MZT1: variants seen among roughly 807,000 people sequenced by gnomAD.
MZT1 encodes the protein mitotic-spindle organizing protein 1.
MZT1 carries 8 observed loss-of-function variants against 8.5 expected under a neutral mutation model. The ratio of observed to expected loss-of-function variants is 0.94; its 90% CI spans 0.55 to 1.70. MZT1 has a LOEUF of 1.70. MZT1 is among the 40% of genes most tolerant of loss of function. The pLI, the probability that MZT1 is intolerant of heterozygous loss-of-function variation, is 0.00. For synonymous variants in MZT1, 38 were observed against 42.0 expected, an observed-to-expected ratio of 0.90 and a Z score of 0.37; for missense variants, 93 against 108.6, an observed-to-expected ratio of 0.86 and a Z score of 0.64.
chr13:72,708,872 A>G lies in MZT1; in HGVS notation c.*1450T>C, dbSNP rs1366295538. On this transcript the variant is annotated 3_prime_UTR_variant, in exon 3 of 3. Coordinates refer to ENST00000377818, the MANE Select transcript of MZT1 (RefSeq NM_001071775.3). ...GAAGGTTGCTATTTAAATATTACCAAATCTTAATAAAACCACTTCAGCTTG... is the reference window on the plus strand; with the variant it reads ...GAAGGTTGCTATTTAAATATTACCAGATCTTAATAAAACCACTTCAGCTTG... 6.6e-6 allele frequency: 1 copy of G among 152,022 alleles called. No individual in the cohort carries two copies. The highest frequency in any genetic ancestry group is 1.9e-4 in the East Asian group (1 of 5,204). The allele number at this position is 152,022 out of a possible 1,614,324, so 9.4% of individuals were successfully genotyped here.
rs1317922280 is a variant in MZT1 at position 72,718,933 on chromosome 13, A to G, written c.225+19T>C. ...ATAAAAGCATCTTTATTTAGAATGA[A>G]CTAATAGGAATCTCCAACCTTCAGT... is the stretch of plus-strand genomic sequence containing the variant. On this transcript the variant is annotated intron_variant, in intron 2 of 2. Coordinates refer to ENST00000377818, the MANE Select transcript of MZT1 (RefSeq NM_001071775.3). 16 of 1,556,616 alleles carry G rather than the reference A, an allele frequency of 1.0e-5. No individual in the cohort carries two copies. In the African/African-American group the frequency reaches 2.2e-4, roughly 22 times the overall value.
At chr13:72,727,326 C>T (rs1270746478) in intron 1 of MZT1, among the ~76,000 whole-genome samples, 198 bp downstream of exon 1, 2 of 152,226 alleles carry the variant, frequency 1.3e-5, no homozygotes, top group Non-Finnish European at 2.9e-5. Context: ...GCGCGCGCGA[C>T]AAACTACGCA....
At chr13:72,714,553 G>C (rs1399029946) in intron 2 of MZT1, among the ~76,000 whole-genome samples, 10 of 152,222 alleles carry the variant, frequency 6.6e-5, no homozygotes, top group Non-Finnish European at 1.5e-4. Context: ...CTAAGAGGCA[G>C]CCCTTCCCAT....
intron 2 of MZT1, among the ~76,000 whole-genome samples, chr13:72,715,457 T>C (rs1051947765): frequency 6.6e-6 from 1 of 152,140 alleles, no homozygotes; most frequent in East Asian, 1.9e-4. Context: ...TGGGAAGGCA[T>C]GATTGTATGT....
intron 2 of MZT1, among the ~76,000 whole-genome samples, chr13:72,718,358 C>A (rs886433865): frequency 1.3e-5 from 2 of 152,186 alleles, no homozygotes; most frequent in Non-Finnish European, 2.9e-5. Context: ...TTCATTGGGA[C>A]CAGGGGTTAG....
intron 2 of MZT1, among the ~76,000 whole-genome samples, chr13:72,715,944 T>G (rs189889799): frequency 6.6e-6 from 1 of 152,180 alleles, no homozygotes; most frequent in East Asian, 1.9e-4. Context: ...TAAGAGGAAG[T>G]CTTCCTCTGT....
At chr13:72,719,137 C>T (rs768993542) in intron 1 of MZT1, 40 bp from the exon 2 acceptor site, 2 of 1,463,652 alleles carry the variant, frequency 1.4e-6, no homozygotes, top group Non-Finnish European at 1.8e-6. Context: ...TTAAGGCTTA[C>T]AGCATTTAAA....
intron 1 of MZT1, among the ~76,000 whole-genome samples, chr13:72,726,203 G>T (rs1370164116): frequency 6.6e-6 from 1 of 152,196 alleles, no homozygotes; most frequent in East Asian, 1.9e-4. Context: ...GCCGAGGCAT[G>T]TGGATCACCT....
At chr13:72,715,639 C>T (rs1310447971) in intron 2 of MZT1, among the ~76,000 whole-genome samples, 1 of 152,158 alleles carries the variant, frequency 6.6e-6, no homozygotes, top group Non-Finnish European at 1.5e-5. Context: ...GAATTCATCC[C>T]TCATGAATGG....
intron 1 of MZT1, among the ~76,000 whole-genome samples, chr13:72,719,391 A>G (rs7326192): frequency 0.88 from 134,228 of 152,138 alleles, 61,253 homozygotes; most frequent in Non-Finnish European, 0.99. Context: ...AATTCTGAAC[A>G]CTTGCTTATT....
rs1010513064 is a variant in MZT1 at position 72,709,198 on chromosome 13, T to C, written c.*1124A>G. 5.3e-5 allele frequency: 8 copies of C among 151,936 alleles called. No individual in the cohort carries two copies. Among genetic ancestry groups the C allele is most frequent in the Non-Finnish European group, 1.0e-4 (7 of 67,886 alleles). The allele number at this position is 151,936 out of a possible 1,614,324, so 9.4% of individuals were successfully genotyped here. A position where few individuals can be genotyped will look rare whatever the true frequency, so the allele number is the denominator to read the frequency against. ...ACATCAAGATGTTAAAAAGGTTTTT[T>C]AAAAAAAGCCATACTTGAGATTCCT... On this transcript the variant is annotated 3_prime_UTR_variant, in exon 3 of 3. Coordinates refer to ENST00000377818, the MANE Select transcript of MZT1 (RefSeq NM_001071775.3).
At chr13:72,713,412 A>G (rs1170128291) in intron 2 of MZT1, among the ~76,000 whole-genome samples, 1 of 152,164 alleles carries the variant, frequency 6.6e-6, no homozygotes, top group Non-Finnish European at 1.5e-5. Flanking sequence ...ACAGATACGA[A>G]GGTCCACAGA....
intron 1 of MZT1, among the ~76,000 whole-genome samples, chr13:72,726,535 T>C (rs866366946): frequency 2.3e-4 from 35 of 152,050 alleles, no homozygotes; most frequent in Non-Finnish European, 2.1e-4. Context: ...GAGTAGACCC[T>C]GGAAAACGTC....
chr13:72,724,368 G>T (rs1046097398), intron 1 of MZT1, among the ~76,000 whole-genome samples: 1 of 151,960 alleles, frequency 6.6e-6, no homozygotes, highest in African/African-American at 2.4e-5. Context: ...GCTTAGTGAA[G>T]AACAGGAGGC....
intron 1 of MZT1, among the ~76,000 whole-genome samples, chr13:72,725,814 A>G (rs183207865): frequency 2.3e-4 from 35 of 152,204 alleles, no homozygotes; most frequent in African/African-American, 7.9e-4. Context: ...AAGTACAGCT[A>G]ACCTAAGAAA....
At chr13:72,713,598 A>C (rs1281583047) in intron 2 of MZT1, among the ~76,000 whole-genome samples, 1 of 152,202 alleles carries the variant, frequency 6.6e-6, no homozygotes, top group Non-Finnish European at 1.5e-5. Context: ...AAGTCTGTAC[A>C]TTCTTAGTAC....
At chr13:72,724,744 A>G (rs1427654830) in intron 1 of MZT1, among the ~76,000 whole-genome samples, 4,500 of 20,752 alleles carry the variant, frequency 0.22, 927 homozygotes, top group East Asian at 0.61. Flanking sequence ...ATATATACAC[A>G]TATATATATG....
chr13:72,726,259 G>A (rs535840201), intron 1 of MZT1, among the ~76,000 whole-genome samples: 1 of 152,068 alleles, frequency 6.6e-6, no homozygotes, highest in Admixed American at 6.6e-5. Flanking sequence ...GGGAAACTCC[G>A]TCTCTACTAA....
At chr13:72,726,138 A>G (rs964852481) in intron 1 of MZT1, among the ~76,000 whole-genome samples, 3 of 151,194 alleles carry the variant, frequency 2.0e-5, no homozygotes, top group Non-Finnish European at 4.4e-5. Flanking sequence ...AGTGCTACAT[A>G]AGAAAATGAG....
Sources: gnomAD v4.1 joint callset for allele counts (sites outside exome capture counted in the v4.1 genomes callset) on GRCh38, gnomAD v4.1.1 for gene constraint, MANE v1.5 for transcripts, NCBI Gene and HGNC (gene_info 2026-07-23, HGNC 2026-07-21) for gene names.